HERC3: variants seen among roughly 807,000 people sequenced by gnomAD.
The protein encoded by HERC3 is HECT and RLD domain containing E3 ubiquitin protein ligase 3, also known as probable E3 ubiquitin-protein ligase HERC3.
HERC3 carries 58 observed loss-of-function variants against 129.9 expected under a neutral mutation model. The observed-to-expected ratio is 0.45, with a 90% CI of 0.36 to 0.56. The LOEUF (loss-of-function observed/expected upper bound fraction) is 0.56, where lower values mean the gene tolerates loss of function less well. HERC3 is among the 20% of genes least tolerant of loss of function. HERC3 has a pLI of 0.00. For missense variants in HERC3, 835 were observed against 1,244.2 expected, an observed-to-expected ratio of 0.67 and a Z score of 4.95; for synonymous variants, 430 against 451.0, an observed-to-expected ratio of 0.95 and a Z score of 0.59.
chr4:88,606,187 TC>T lies in HERC3; in HGVS notation c.226+140del, dbSNP rs199755962. 2,886 of 600,324 alleles carry T rather than the reference TC, an allele frequency of 4.8e-3. 68 individuals carry two copies. The highest frequency in any genetic ancestry group is 0.046 in the African/African-American group (2,485 of 54,214). 37.2% of individuals were successfully genotyped at this position (600,324 alleles called of 1,614,324 possible). Reference sequence around the variant, plus strand: ...TCTTTTGAACGGTGCAGGGATTCCTTCCTGTTTGGAACCCTTGTGTCTAATT... The same window carrying T: ...TCTTTTGAACGGTGCAGGGATTCCTTCTGTTTGGAACCCTTGTGTCTAATT... On this transcript the variant is annotated intron_variant, in intron 3 of 25. Transcript: ENST00000402738.
chr4:88,663,299 G>A (rs1422887433), intron 11 of HERC3, among the ~76,000 whole-genome samples: 2 of 152,122 alleles, frequency 1.3e-5, no homozygotes, highest in African/African-American at 2.4e-5. Flanking sequence ...CATTAGAAAC[G>A]CCCTAGAGCA....
intron 3 of HERC3, among the ~76,000 whole-genome samples, chr4:88,607,871 T>C (rs1723844213): frequency 6.6e-6 from 1 of 152,234 alleles, no homozygotes; most frequent in African/African-American, 2.4e-5. Flanking sequence ...AATCTTCTTT[T>C]GGTGAGAAAT....
At chr4:88,693,808 GCTTC>G in intron 23 of HERC3, 1 of 436,662 alleles carries the variant, frequency 2.3e-6, no homozygotes, top group Non-Finnish European at 3.0e-6. Context: ...TGTATTGCAT[GCTTC>G]CTTTCTTTCT....
chr4:88,690,021 A>T, intron 23 of HERC3: 1 of 985,346 alleles, frequency 1.0e-6, no homozygotes, highest in Non-Finnish European at 1.2e-6. Flanking sequence ...ATCAGAGTTG[A>T]GTGAAATGAT....
chr4:88,572,929 G>C, the HERC3 span, among the ~76,000 whole-genome samples: 1 of 151,994 alleles, frequency 6.6e-6, no homozygotes, highest in Non-Finnish European at 1.5e-5. Context: ...TTAAAAATTG[G>C]TTAACAGATT....
At position 88,658,432 on chromosome 4, in the gene HERC3, A is replaced by G. The variant is rs1730146274; in HGVS notation, c.1087A>G (p.Ile363Val). The change falls in exon 10 of 26, where the codon ATC becomes GTC. Residue 363 changes from isoleucine (I) to valine (V), a missense_variant. Ile to Val is a conservative substitution (Grantham distance 29). Transcript: ENST00000402738. Reference sequence around the variant, plus strand: ...TTTGACAGATCGCTTTAAATATCATATCGTTAAGCAGATCTTCTCTGGAGG... The same window carrying G: ...TTTGACAGATCGCTTTAAATATCATGTCGTTAAGCAGATCTTCTCTGGAGG... Reference protein sequence around the residue: ...SARADRFKYHIVKQIFSGGDQ... With the variant: ...SARADRFKYHVVKQIFSGGDQ... The G allele has an allele frequency of 6.3e-7, 1 of 1,593,800 alleles. No homozygotes were observed. Among genetic ancestry groups the G allele is most frequent in the Non-Finnish European group, 8.6e-7 (1 of 1,169,286 alleles).
chr4:88,524,725 C>A, the HERC3 span: 1 of 152,198 alleles, frequency 6.6e-6, no homozygotes, highest in Non-Finnish European at 1.5e-5. Flanking sequence ...CAAATTAATG[C>A]TCCATTAATG....
intron 14 of HERC3, chr4:88,668,429 G>A (rs534068500): frequency 4.0e-6 from 1 of 249,528 alleles, no homozygotes; most frequent in African/African-American, 2.3e-5. Context: ...TTTAGGGGGT[G>A]GGAGTGAAGT....
chr4:88,635,575 C>T (rs1203113200), intron 3 of HERC3, among the ~76,000 whole-genome samples: 2 of 152,092 alleles, frequency 1.3e-5, no homozygotes, highest in Non-Finnish European at 1.5e-5. Context: ...TTGGAAAACA[C>T]ACTTCAGGAT....
In HERC3 at chr4:88,652,084, G is replaced by T; in HGVS notation, c.459G>T (p.Ala153=). ...GCAACTGGCATTGCTTGGCTCTTGC[G>T]GCTGGTAAAGTAACATTAAACATAT... ...SCGNWHCLAL[A]ADGQFFTWGK... Residue 153 remains alanine (A), a synonymous_variant, in exon 5 of 26, where the codon GCG becomes GCT. Transcript: ENST00000402738. 6.2e-7 allele frequency: 1 copy of T among 1,605,854 alleles called. No homozygotes were observed. The highest frequency in any genetic ancestry group is 1.7e-5 in the Admixed American group (1 of 59,978).
intron 23 of HERC3, among the ~76,000 whole-genome samples, chr4:88,700,750 T>C (rs1032294403): frequency 6.6e-6 from 1 of 152,068 alleles, no homozygotes; most frequent in African/African-American, 2.4e-5. Context: ...TTCATGTGAT[T>C]GTGGGGGCTG....
At chr4:88,558,013 G>T in the HERC3 span, among the ~76,000 whole-genome samples, 1 of 148,038 alleles carries the variant, frequency 6.8e-6, no homozygotes, top group African/African-American at 2.5e-5. Context: ...GGAGGTTGCG[G>T]TGAGTCGAGA....
chr4:88,541,125 C>T, the HERC3 span, among the ~76,000 whole-genome samples: 1 of 152,068 alleles, frequency 6.6e-6, no homozygotes, highest in Non-Finnish European at 1.5e-5. Flanking sequence ...GCTAAATGCC[C>T]CAATTAAGAT....
intron 3 of HERC3, among the ~76,000 whole-genome samples, chr4:88,609,847 C>T (rs1199513526): frequency 6.6e-6 from 1 of 152,182 alleles, no homozygotes; most frequent in African/African-American, 2.4e-5. Context: ...AATGGCTACT[C>T]CATAGACAGA....
chr4:88,652,448 A>C (rs562020692), intron 5 of HERC3, among the ~76,000 whole-genome samples: 1 of 152,312 alleles, frequency 6.6e-6, no homozygotes. Context: ...AAGGAGTTGG[A>C]GAAACCTAAA....
chr4:88,660,292 C>T (rs113844051), intron 10 of HERC3, among the ~76,000 whole-genome samples: 7,056 of 152,020 alleles, frequency 0.046, 208 homozygotes, highest in Middle Eastern at 0.12. Context: ...ACCTCCACCT[C>T]CTGGTTTCAA....
the HERC3 span, among the ~76,000 whole-genome samples, chr4:88,577,605 G>GTATATATATATGTGTATATA: frequency 2.3e-5 from 3 of 131,864 alleles, no homozygotes; most frequent in South Asian, 6.6e-4. Flanking sequence ...GTATGTGTGT[G>GTATATATATATGTGTATATA]TATATATATA....
At chr4:88,558,231 G>T in the HERC3 span, among the ~76,000 whole-genome samples, 2 of 151,916 alleles carry the variant, frequency 1.3e-5, no homozygotes, top group African/African-American at 4.8e-5. Context: ...TTAGCCATTG[G>T]GAAGATGTGG....
At chr4:88,550,432 A>C in the HERC3 span, among the ~76,000 whole-genome samples, 1 of 152,180 alleles carries the variant, frequency 6.6e-6, no homozygotes, top group African/African-American at 2.4e-5. Context: ...CAACTTCAGC[A>C]AAGTCTCAGG....
Sources: allele counts gnomAD v4.1 joint callset (sites outside exome capture counted in the v4.1 genomes callset), GRCh38; gene constraint gnomAD v4.1.1; transcripts MANE v1.5; gene names NCBI Gene and HGNC (gene_info 2026-07-23, HGNC 2026-07-21).